Variants in FLRT2 observed in about 807,000 individuals in gnomAD.
The protein encoded by FLRT2 is leucine-rich repeat transmembrane protein FLRT2.
In FLRT2, 15 loss-of-function variants were observed where a neutral mutation model predicts 40.0. That is an observed-to-expected ratio of 0.38 (90% CI 0.25 to 0.58). The LOEUF is 0.58. Ranked by LOEUF, FLRT2 falls within the 20% of genes least tolerant of loss-of-function variation. The probability of loss-of-function intolerance (pLI) is 0.71; values close to 1 mark genes in which losing one functional copy is unlikely to be tolerated. For synonymous variants in FLRT2, 380 were observed against 336.8 expected (o/e 1.13, Z -1.41); for missense variants, 726 against 840.0 (o/e 0.86, Z 1.68).
rs974274547 is a variant in FLRT2 at position 85,637,552 on chromosome 14, C to T, written c.*14055C>T. The T allele has an allele frequency of 6.6e-6, 1 of 152,202 alleles. No individual in the cohort carries two copies. The highest frequency in any genetic ancestry group is 2.4e-5 in the African/African-American group (1 of 41,444). The allele number at this position is 152,202 out of a possible 1,614,324, so 9.4% of individuals were successfully genotyped here. On this transcript the variant is annotated 3_prime_UTR_variant, in exon 2 of 2. Transcript: ENST00000330753. The stretch of plus-strand genomic sequence containing the variant: ...ATTCTTTCTTTCCACAATCGTCTGT[C>T]ACTCCCGGTAGAACTAAGTGATTTT...
At chr14:85,572,930 A>G (rs1890958350) in intron 1 of FLRT2, among the ~76,000 whole-genome samples, 1 of 152,104 alleles carries the variant, frequency 6.6e-6, no homozygotes, top group Non-Finnish European at 1.5e-5. Context: ...CTCTCTCAAG[A>G]GAGAGTTTTT....
chr14:85,544,601 G>A (rs748061935), intron 1 of FLRT2, among the ~76,000 whole-genome samples: 2 of 152,078 alleles, frequency 1.3e-5, no homozygotes, highest in Non-Finnish European at 2.9e-5. Flanking sequence ...AAATCACAAC[G>A]CCTTAATTTG....
chr14:85,535,345 G>A (rs1888579151), intron 1 of FLRT2, among the ~76,000 whole-genome samples: 1 of 67,576 alleles, frequency 1.5e-5, no homozygotes, highest in African/African-American at 4.4e-5. Context: ...CCAATGAAAA[G>A]CCCCCCCCCA....
chr14:85,623,604 G>A lies in FLRT2; in HGVS notation c.*107G>A, dbSNP rs1036223545. The A allele has an allele frequency of 1.1e-5, 9 of 829,670 alleles. No individual in the cohort carries two copies. The South Asian group carries it at 3.9e-4, about 36-fold the overall frequency. 51.4% of individuals were successfully genotyped at this position (829,670 alleles called of 1,614,324 possible). On this transcript the variant is annotated 3_prime_UTR_variant, in exon 2 of 2. Transcript: ENST00000330753. Reference sequence around the variant, plus strand: ...TACATTTGATAAATGTTACACAGATGCATTTGTGCATTTGAATACTCTGTA... The same window carrying A: ...TACATTTGATAAATGTTACACAGATACATTTGTGCATTTGAATACTCTGTA...
chr14:85,633,100 G>T lies in FLRT2; in HGVS notation c.*9603G>T, dbSNP rs1457116407. 1 of 152,172 alleles carries T rather than the reference G, an allele frequency of 6.6e-6. No individual in the cohort carries two copies. Among genetic ancestry groups the T allele is most frequent in the Non-Finnish European group, 1.5e-5 (1 of 68,022 alleles). 9.4% of individuals were successfully genotyped at this position (152,172 alleles called of 1,614,324 possible). Reference sequence around the variant, plus strand: ...TTATGATGAAAATCAAATTTCTTGTGTATTGGGGTAAGAATTACATGTAGA... The same window carrying T: ...TTATGATGAAAATCAAATTTCTTGTTTATTGGGGTAAGAATTACATGTAGA... On this transcript the variant is annotated 3_prime_UTR_variant, in exon 2 of 2. Coordinates refer to ENST00000330753, the MANE Select transcript of FLRT2 (RefSeq NM_013231.6).
chr14:85,565,427 A>C (rs1176546612), intron 1 of FLRT2, among the ~76,000 whole-genome samples: 1 of 152,142 alleles, frequency 6.6e-6, no homozygotes, highest in African/African-American at 2.4e-5. Context: ...GCTGGATGTA[A>C]AAATAATGAC....
In FLRT2 at chr14:85,624,694, T is replaced by C. The variant is rs538945823; in HGVS notation, c.*1197T>C. ...GTTGTTTATGACACCTTTGTTTTTC[T>C]CCCTCTGTTCAGTATTTCAAGGAAA... On this transcript the variant is annotated 3_prime_UTR_variant, in exon 2 of 2. Transcript: ENST00000330753. The C allele has an allele frequency of 6.0e-6, 1 of 166,986 alleles. No homozygotes were observed. The highest frequency in any genetic ancestry group is 2.4e-5 in the African/African-American group (1 of 41,576). 10.3% of individuals were successfully genotyped at this position (166,986 alleles called of 1,614,324 possible). A position where few individuals can be genotyped will look rare whatever the true frequency, so the allele number is the denominator to read the frequency against.
At chr14:85,574,651 ATT>A (rs112651765) in intron 1 of FLRT2, among the ~76,000 whole-genome samples, 55 of 150,680 alleles carry the variant, frequency 3.7e-4, no homozygotes, top group Non-Finnish European at 6.7e-4. Flanking sequence ...TAAATTGAAG[ATT>A]TTTTTTTTAG....
At chr14:85,553,431 G>A (rs939200601) in intron 1 of FLRT2, among the ~76,000 whole-genome samples, 5 of 152,078 alleles carry the variant, frequency 3.3e-5, no homozygotes, top group Non-Finnish European at 7.3e-5. Flanking sequence ...AAGAAGAATT[G>A]TCTGGGGCCA....
At chr14:85,557,667 A>C (rs928609313) in intron 1 of FLRT2, among the ~76,000 whole-genome samples, 9 of 152,026 alleles carry the variant, frequency 5.9e-5, no homozygotes, top group African/African-American at 2.2e-4. Context: ...AAATACAAAA[A>C]TTAGCCGGGT....
intron 1 of FLRT2, among the ~76,000 whole-genome samples, chr14:85,577,850 G>T (rs1459310080): frequency 6.6e-6 from 1 of 151,886 alleles, no homozygotes; most frequent in Non-Finnish European, 1.5e-5. Flanking sequence ...CAAGGCACTG[G>T]GATTACAGGT....
chr14:85,587,305 A>G (rs1256251962), intron 1 of FLRT2, among the ~76,000 whole-genome samples: 2 of 149,398 alleles, frequency 1.3e-5, no homozygotes, highest in African/African-American at 2.5e-5. Context: ...AAAAAAAAAA[A>G]GAAGAAAGCA....
Position 85,623,418 on chromosome 14 carries a change from A to G in FLRT2, c.1904A>G (p.Asn635Ser), listed in dbSNP as rs751398044. The G allele has an allele frequency of 6.7e-7, 1 of 1,502,046 alleles. No homozygotes were observed. The highest frequency in any genetic ancestry group is 8.9e-7 in the Non-Finnish European group (1 of 1,128,284). The allele number at this position is 1,502,046 out of a possible 1,614,324, so 93.0% of individuals were successfully genotyped here. Residue 635 changes from asparagine to serine, a missense_variant, in exon 2 of 2, where the codon AAT (asparagine) becomes AGT (serine). Physicochemically the swap from Asn to Ser is conservative, Grantham distance 46. Coordinates refer to ENST00000330753, the MANE Select transcript of FLRT2 (RefSeq NM_013231.6). ...QPIYTPNGGI[N>S]YTDCHIPNNM... Reference sequence around the variant, plus strand: ...ATTTACACCCCAAATGGGGGCATTAATTACACAGACTGCCATATCCCCAAC... The same window carrying G: ...ATTTACACCCCAAATGGGGGCATTAGTTACACAGACTGCCATATCCCCAAC...
At chr14:85,547,526 G>A (rs1047699421) in intron 1 of FLRT2, among the ~76,000 whole-genome samples, 3 of 152,048 alleles carry the variant, frequency 2.0e-5, no homozygotes, top group Non-Finnish European at 2.9e-5. Context: ...GTTTCACCAC[G>A]TTGGCCAGGC....
Position 85,652,781 on chromosome 14 carries a change from A to T in FLRT2, c.*29284A>T, listed in dbSNP as rs1053475142. The T allele has an allele frequency of 2.6e-5, 4 of 152,094 alleles. No individual in the cohort carries two copies. The highest frequency in any genetic ancestry group is 2.6e-4 in the Admixed American group (4 of 15,236). 9.4% of individuals were successfully genotyped at this position (152,094 alleles called of 1,614,324 possible). A position where few individuals can be genotyped will look rare whatever the true frequency, so the allele number is the denominator to read the frequency against. ...GATTTATAAGAATCCAGAAATTATC[A>T]ATGAGTTTTCTTTTTCTATTATTTA... On this transcript the variant is annotated 3_prime_UTR_variant, in exon 2 of 2. Transcript: ENST00000330753.
rs568333727 is a variant in FLRT2, at chr14:85,607,024, C to T, written c.-376-14115C>T. Among the ~76,000 whole-genome samples the T allele has an allele frequency of 3.3e-5, 5 of 151,712 alleles. No individual in the cohort carries two copies. The South Asian group carries it at 6.2e-4, about 19-fold the overall frequency. On this transcript the variant is annotated intron_variant, in intron 1 of 1. Transcript: ENST00000330753. ...TATATCTATGGATGTACTGTAGCCA[C>T]CTGGAGGGACACAAATTCTCATAAT...
Position 85,609,393 on chromosome 14 carries a change from T to G in FLRT2, c.-376-11746T>G, listed in dbSNP as rs544888371. ...CTTTTTCAGGAACTCTCACTGGTTTTGAGATTATTCCCATATTCTGAATTC... is the reference window on the plus strand; with the variant it reads ...CTTTTTCAGGAACTCTCACTGGTTTGGAGATTATTCCCATATTCTGAATTC... On this transcript the variant is annotated intron_variant, in intron 1 of 1. Transcript: ENST00000330753. Among the ~76,000 whole-genome samples, 3 of 152,294 alleles carry G rather than the reference T, an allele frequency of 2.0e-5. No homozygotes were observed. The South Asian group carries it at 6.2e-4, about 32-fold the overall frequency.
At chr14:85,545,778 GTAGAGAACAC>G (rs987642711) in intron 1 of FLRT2, among the ~76,000 whole-genome samples, 20 of 152,218 alleles carry the variant, frequency 1.3e-4, no homozygotes, top group African/African-American at 4.6e-4. Context: ...TATATTTATT[GTAGAGAACAC>G]TCTCCATTTT....
intron 1 of FLRT2, among the ~76,000 whole-genome samples, chr14:85,619,854 T>G (rs894894893): frequency 2.0e-5 from 3 of 152,226 alleles, no homozygotes; most frequent in Non-Finnish European, 4.4e-5. Flanking sequence ...ATGATTACTA[T>G]CTGTGGATTG....
Sources: gnomAD v4.1 joint callset for allele counts (sites outside exome capture counted in the v4.1 genomes callset) on GRCh38, gnomAD v4.1.1 for gene constraint, MANE v1.5 for transcripts, NCBI Gene and HGNC (gene_info 2026-07-23, HGNC 2026-07-21) for gene names.